NRXN3: variants seen among roughly 807,000 people sequenced by gnomAD.
The protein encoded by NRXN3 is neurexin III.
A neutral mutation model predicts 137.6 loss-of-function variants in NRXN3; 32 were observed. That is an observed-to-expected ratio of 0.23 (90% CI 0.18 to 0.31). The LOEUF is 0.31. Ranked by LOEUF, NRXN3 falls within the 10% of genes least tolerant of loss-of-function variation. The pLI, the probability that NRXN3 is intolerant of heterozygous loss-of-function variation, is 1.00. For missense variants in NRXN3, 1,574 were observed against 2,062.5 expected (o/e 0.76, Z 4.59); for synonymous variants, 798 against 784.5 (o/e 1.02, Z -0.29).
chr14:79,644,493 T>A (rs1173624642), intron 16 of NRXN3, among the ~76,000 whole-genome samples: 1 of 135,634 alleles, frequency 7.4e-6, no homozygotes, highest in African/African-American at 2.5e-5. Flanking sequence ...ATCTGAGGCT[T>A]TCCCATTTGT....
At chr14:78,276,335 G>C (rs2073589106) in intron 2 of NRXN3, among the ~76,000 whole-genome samples, 1 of 152,154 alleles carries the variant, frequency 6.6e-6, no homozygotes, top group Non-Finnish European at 1.5e-5. Flanking sequence ...AGGGGAGATC[G>C]GGAGCAGATG....
At chr14:79,362,581 C>T (rs2153420397) in intron 15 of NRXN3, among the ~76,000 whole-genome samples, 1 of 152,282 alleles carries the variant, frequency 6.6e-6, no homozygotes, top group South Asian at 2.1e-4. Flanking sequence ...TGCCTTCCAA[C>T]AGGACCCAAC....
chr14:78,306,256 T>C (rs1392477112), intron 4 of NRXN3, among the ~76,000 whole-genome samples: 2 of 152,202 alleles, frequency 1.3e-5, no homozygotes, highest in African/African-American at 2.4e-5. Context: ...TGATTACTTA[T>C]AGATTTTATG....
Position 78,569,476 on chromosome 14 carries a change from A to G in NRXN3, c.758-75644A>G, listed in dbSNP as rs533212296. On this transcript the variant is annotated intron_variant, in intron 4 of 20. Coordinates refer to ENST00000335750, the MANE Select transcript of NRXN3 (RefSeq NM_001330195.2). Reference sequence around the variant, plus strand: ...GAGACGGGGTTTCACCATGTTAGCAAGGGTGGTCTCAATCTCCTGACCTCG... The same window carrying G: ...GAGACGGGGTTTCACCATGTTAGCAGGGGTGGTCTCAATCTCCTGACCTCG... Among the ~76,000 whole-genome samples the G allele has an allele frequency of 2.5e-4, 38 of 151,372 alleles. No individual in the cohort carries two copies. The South Asian group carries it at 7.7e-3, about 31-fold the overall frequency.
chr14:78,763,750 C>T (rs2098700143), intron 8 of NRXN3, among the ~76,000 whole-genome samples: 2 of 152,182 alleles, frequency 1.3e-5, no homozygotes, highest in Non-Finnish European at 2.9e-5. Flanking sequence ...GTGCAGCTTT[C>T]TGGGTCTCCC....
At chr14:78,931,091 C>T (rs888844246) in intron 10 of NRXN3, among the ~76,000 whole-genome samples, 1 of 152,108 alleles carries the variant, frequency 6.6e-6, no homozygotes, top group Non-Finnish European at 1.5e-5. Flanking sequence ...GGAACCATGT[C>T]CCCAGAGTTT....
chr14:78,253,375 T>A (rs1368588399), intron 2 of NRXN3, among the ~76,000 whole-genome samples: 2 of 152,188 alleles, frequency 1.3e-5, no homozygotes, highest in African/African-American at 4.8e-5. Context: ...CAAGGTACAT[T>A]ATAAAGTATC....
intron 4 of NRXN3, among the ~76,000 whole-genome samples, chr14:78,546,442 T>G (rs1327329713): frequency 1.3e-5 from 2 of 152,212 alleles, no homozygotes; most frequent in Non-Finnish European, 2.9e-5. Flanking sequence ...TAGTAATATT[T>G]GTTTACCTTG....
At chr14:78,650,687 AAAAAG>A (rs371602234) in intron 5 of NRXN3, among the ~76,000 whole-genome samples, 7 of 152,212 alleles carry the variant, frequency 4.6e-5, no homozygotes, top group South Asian at 2.1e-4. Flanking sequence ...AAAGAAAAGA[AAAAAG>A]AAAAGAAAAG....
chr14:78,892,885 G>T (rs1173443490), intron 10 of NRXN3, among the ~76,000 whole-genome samples: 1 of 151,444 alleles, frequency 6.6e-6, no homozygotes, highest in Non-Finnish European at 1.5e-5. Flanking sequence ...TAAAAACAAA[G>T]AAAAAATGTT....
At chr14:79,767,844 A>G (rs551153392) in intron 19 of NRXN3, among the ~76,000 whole-genome samples, 231 of 152,310 alleles carry the variant, frequency 1.5e-3, no homozygotes, top group African/African-American at 5.4e-3. Flanking sequence ...TGATTTCTGC[A>G]TTTCCATCTG....
At chr14:79,794,594 C>G (rs2099155625) in intron 19 of NRXN3, among the ~76,000 whole-genome samples, 1 of 152,074 alleles carries the variant, frequency 6.6e-6, no homozygotes, top group Admixed American at 6.5e-5. Flanking sequence ...GTCAGTGTTC[C>G]TACTCAGCCT....
intron 8 of NRXN3, among the ~76,000 whole-genome samples, chr14:78,739,014 C>G (rs2098552869): frequency 6.6e-6 from 1 of 152,198 alleles, no homozygotes; most frequent in Non-Finnish European, 1.5e-5. Flanking sequence ...CTGTCTCTGT[C>G]TCTGTCCCAG....
At chr14:78,672,720 C>A (rs1490498506) in intron 6 of NRXN3, among the ~76,000 whole-genome samples, 1 of 152,170 alleles carries the variant, frequency 6.6e-6, no homozygotes, top group East Asian at 1.9e-4. Context: ...CCGAATGAGC[C>A]AATCCTGGCT....
intron 4 of NRXN3, among the ~76,000 whole-genome samples, chr14:78,589,969 C>CAAAA: frequency 6.6e-6 from 1 of 152,158 alleles, no homozygotes; most frequent in East Asian, 1.9e-4. Context: ...AACAAACAAA[C>CAAAA]AAAAAAACAA....
intron 8 of NRXN3, among the ~76,000 whole-genome samples, chr14:78,780,210 A>G (rs923344640): frequency 5.9e-5 from 9 of 152,220 alleles, no homozygotes; most frequent in African/African-American, 1.9e-4. Context: ...ATTAGTTAAT[A>G]AACAAACTAG....
chr14:78,771,659 T>C (rs542698554), intron 8 of NRXN3, among the ~76,000 whole-genome samples: 3 of 152,304 alleles, frequency 2.0e-5, no homozygotes, highest in African/African-American at 7.2e-5. Flanking sequence ...GGAATAAGAA[T>C]GTACACAGAA....
At chr14:78,323,161 A>C (rs1383841979) in intron 4 of NRXN3, among the ~76,000 whole-genome samples, 1 of 152,110 alleles carries the variant, frequency 6.6e-6, no homozygotes, top group Non-Finnish European at 1.5e-5. Flanking sequence ...TGAATTTAAA[A>C]TTGTATATAT....
intron 8 of NRXN3, among the ~76,000 whole-genome samples, chr14:78,721,237 A>G (rs1400996231): frequency 6.6e-6 from 1 of 152,158 alleles, no homozygotes; most frequent in Non-Finnish European, 1.5e-5. Flanking sequence ...GTCAAATATA[A>G]TAATGGTGGT....
Sources: gnomAD v4.1 joint callset for allele counts (sites outside exome capture counted in the v4.1 genomes callset) on GRCh38, gnomAD v4.1.1 for gene constraint, MANE v1.5 for transcripts, NCBI Gene and HGNC (gene_info 2026-07-23, HGNC 2026-07-21) for gene names.